The following TAMM41 variants were observed in gnomAD, a reference collection of about 807,000 sequenced individuals.
TAMM41 encodes the protein TAM41 mitochondrial translocator assembly and maintenance homolog, also known as phosphatidate cytidylyltransferase, mitochondrial.
TAMM41 carries 36 observed loss-of-function variants against 44.1 expected under a neutral mutation model. The ratio of observed to expected loss-of-function variants is 0.82; its 90% CI spans 0.63 to 1.08. TAMM41 has a LOEUF of 1.08. Ranked by LOEUF, TAMM41 falls within the 50% of genes least tolerant of loss-of-function variation. The probability of loss-of-function intolerance (pLI) is 0.00; values close to 1 mark genes in which losing one functional copy is unlikely to be tolerated. For synonymous variants in TAMM41, 164 were observed against 153.1 expected (o/e 1.07, Z -0.53); for missense variants, 417 against 404.3 (o/e 1.03, Z -0.27).
At chr3:11,796,273 T>C (rs768193731) in intron 7 of TAMM41, among the ~76,000 whole-genome samples, 4 of 152,214 alleles carry the variant, frequency 2.6e-5, no homozygotes, top group African/African-American at 4.8e-5. Flanking sequence ...CATCTAAATT[T>C]ATAAAGCACC....
chr3:11,744,814 C>T, the TAMM41 span, among the ~76,000 whole-genome samples: 7 of 152,154 alleles, frequency 4.6e-5, no homozygotes, highest in Admixed American at 1.3e-4. Flanking sequence ...ATTCCTTGAG[C>T]CCAGAAGTTC....
downstream of TAMM41, among the ~76,000 whole-genome samples, chr3:11,786,689 C>A (rs2077419988): frequency 6.6e-6 from 1 of 152,138 alleles, no homozygotes; most frequent in Non-Finnish European, 1.5e-5. Flanking sequence ...CAGCCTCAAC[C>A]TTCTAGGCTC....
Position 11,807,899 on chromosome 3 carries a change from C to T in TAMM41, c.875-4G>A, listed in dbSNP as rs201012206. 1,019 of 1,503,268 alleles carry T rather than the reference C, an allele frequency of 6.8e-4. 1 individual carries two copies. The highest frequency in any genetic ancestry group is 8.4e-4 in the Non-Finnish European group (952 of 1,132,230). 93.1% of individuals were successfully genotyped at this position (1,503,268 alleles called of 1,614,324 possible). A position where few individuals can be genotyped will look rare whatever the true frequency, so the allele number is the denominator to read the frequency against. ...GGTCTCACGATTGCTGAAAGCCCTG[C>T]GAGAAAAAAACCAAAAAGGAGACCA... On this transcript the variant is annotated splice_polypyrimidine_tract_variant and splice_region_variant and intron_variant, in intron 6 of 7. Transcript: ENST00000455809.
intron 7 of TAMM41, among the ~76,000 whole-genome samples, chr3:11,806,435 A>G (rs924530734): frequency 3.3e-5 from 5 of 152,202 alleles, no homozygotes; most frequent in Non-Finnish European, 7.3e-5. Flanking sequence ...ATAGGATGCA[A>G]AAAACAGGAG....
At chr3:11,779,507 A>G in the TAMM41 span, among the ~76,000 whole-genome samples, 1 of 152,140 alleles carries the variant, frequency 6.6e-6, no homozygotes, top group Non-Finnish European at 1.5e-5. Context: ...TGAGATTTGG[A>G]GGGGACAAAT....
intron 5 of TAMM41, among the ~76,000 whole-genome samples, chr3:11,816,344 TAAAC>T (rs10551996): frequency 0.083 from 12,616 of 151,722 alleles, 1,190 homozygotes; most frequent in East Asian, 0.48. Context: ...CCAGACATAA[TAAAC>T]AAAACAAGTG....
chr3:11,810,131 T>C (rs972490565), intron 5 of TAMM41: 1 of 154,966 alleles, frequency 6.5e-6, no homozygotes, highest in African/African-American at 2.4e-5. Flanking sequence ...GGGATCTGAA[T>C]TGTGTCTCCT....
In TAMM41 at chr3:11,808,128, G is replaced by A. The variant is rs779188808; in HGVS notation, c.875-233C>T. On this transcript the variant is annotated intron_variant, in intron 6 of 7. Coordinates refer to ENST00000455809, the MANE Select transcript of TAMM41 (RefSeq NM_001284401.2). The stretch of plus-strand genomic sequence containing the variant: ...GCTGTGTGAGTCCAAGCCGATGACC[G>A]AACAGCTCTGTGCCTCTTCCCCTTA... The A allele has an allele frequency of 3.2e-5, 33 of 1,023,364 alleles. No homozygotes were observed. In the East Asian group the frequency reaches 4.4e-4, roughly 14 times the overall value. The allele number at this position is 1,023,364 out of a possible 1,614,324, so 63.4% of individuals were successfully genotyped here.
At chr3:11,743,001 T>G in the TAMM41 span, among the ~76,000 whole-genome samples, 2 of 152,106 alleles carry the variant, frequency 1.3e-5, no homozygotes, top group African/African-American at 4.8e-5. Context: ...CAACTTCTCT[T>G]ACATCTGGGG....
the TAMM41 span, among the ~76,000 whole-genome samples, chr3:11,739,950 C>T: frequency 0.048 from 7,331 of 152,152 alleles, 553 homozygotes; most frequent in African/African-American, 0.16. Flanking sequence ...GCAGATGCTT[C>T]ACGCATGTTT....
the TAMM41 span, among the ~76,000 whole-genome samples, chr3:11,762,158 C>T: frequency 3.3e-5 from 5 of 151,934 alleles, no homozygotes; most frequent in South Asian, 2.1e-4. Context: ...GTTACTACTC[C>T]GCAGAAATAT....
chr3:11,803,883 G>A (rs1332030853), intron 7 of TAMM41, among the ~76,000 whole-genome samples: 2 of 152,184 alleles, frequency 1.3e-5, no homozygotes, highest in African/African-American at 4.8e-5. Context: ...GCTAAACAAT[G>A]TGTATGCATG....
At chr3:11,840,656 G>A (rs1408212433) in intron 2 of TAMM41, among the ~76,000 whole-genome samples, 1 of 151,814 alleles carries the variant, frequency 6.6e-6, no homozygotes, top group Non-Finnish European at 1.5e-5. Context: ...TCCATGTGAT[G>A]TTAAAGGTGG....
At chr3:11,755,593 G>T in the TAMM41 span, among the ~76,000 whole-genome samples, 1 of 152,102 alleles carries the variant, frequency 6.6e-6, no homozygotes, top group Non-Finnish European at 1.5e-5. Flanking sequence ...TGTCGGGCGG[G>T]GATGTCCAGC....
the TAMM41 span, among the ~76,000 whole-genome samples, chr3:11,772,065 CTTTTTCTT>C: frequency 6.0e-5 from 9 of 149,812 alleles, no homozygotes; most frequent in Middle Eastern, 3.4e-3. Flanking sequence ...GTCTGTTTTT[CTTTTTCTT>C]TTTTTCTTTT....
At chr3:11,830,189 C>G (rs761366959) in intron 3 of TAMM41, among the ~76,000 whole-genome samples, 2 of 152,212 alleles carry the variant, frequency 1.3e-5, no homozygotes, top group Non-Finnish European at 2.9e-5. Context: ...TATAATCTCA[C>G]TGTCGTCACT....
At chr3:11,824,344 C>A (rs1031970841) in intron 4 of TAMM41, among the ~76,000 whole-genome samples, 3 of 150,600 alleles carry the variant, frequency 2.0e-5, no homozygotes, top group African/African-American at 7.4e-5. Context: ...GTGTGTGCCA[C>A]CATGCCTGGC....
At chr3:11,831,276 T>C (rs2078972020) in intron 3 of TAMM41, among the ~76,000 whole-genome samples, 1 of 152,206 alleles carries the variant, frequency 6.6e-6, no homozygotes, top group Non-Finnish European at 1.5e-5. Context: ...CTGAAAAATG[T>C]ACATTTCTAA....
the TAMM41 span, among the ~76,000 whole-genome samples, chr3:11,723,899 T>C: frequency 6.6e-6 from 1 of 151,510 alleles, no homozygotes; most frequent in Non-Finnish European, 1.5e-5. Flanking sequence ...AGGGGGTGAC[T>C]GAGTGGAGGT....
Sources: gnomAD v4.1 joint callset for allele counts (sites outside exome capture counted in the v4.1 genomes callset) on GRCh38, gnomAD v4.1.1 for gene constraint, MANE v1.5 for transcripts, NCBI Gene and HGNC (gene_info 2026-07-23, HGNC 2026-07-21) for gene names.